The following RIMS1 variants were observed in gnomAD, a reference collection of about 807,000 sequenced individuals.
RIMS1 encodes the protein regulating synaptic membrane exocytosis 1.
A neutral mutation model predicts 214.1 loss-of-function variants in RIMS1; 83 were observed. That is an observed-to-expected ratio of 0.39 (90% CI 0.32 to 0.47). The LOEUF (loss-of-function observed/expected upper bound fraction) is 0.47. Among genes scored for constraint, RIMS1 ranks in the 20% least tolerant of loss-of-function variants. The pLI is 0.99. For missense variants in RIMS1, 2,050 were observed against 2,161.8 expected (o/e 0.95, Z 1.03); for synonymous variants, 793 against 786.8 (o/e 1.01, Z -0.13).
intron 2 of RIMS1, among the ~76,000 whole-genome samples, chr6:72,036,188 G>T (rs1819559346): frequency 6.6e-6 from 1 of 152,140 alleles, no homozygotes; most frequent in Non-Finnish European, 1.5e-5. Flanking sequence ...CTAGTCCTCT[G>T]TGAGACCTAG....
Position 71,887,010 on chromosome 6 carries a change from G to A in RIMS1, c.-14G>A. On this transcript the variant is annotated 5_prime_UTR_variant, in exon 1 of 34. Coordinates refer to ENST00000521978, the MANE Select transcript of RIMS1 (RefSeq NM_014989.7). ...AGCCAGAGAGCGAGCAGAGGGGGCG[G>A]GCAGGCCACGAAAATGTCCTCGGCC... The A allele has an allele frequency of 6.2e-7, 1 of 1,610,524 alleles. No homozygotes were observed. Among genetic ancestry groups the A allele is most frequent in the Non-Finnish European group, 8.5e-7 (1 of 1,178,264 alleles).
intron 2 of RIMS1, among the ~76,000 whole-genome samples, chr6:72,014,445 T>A (rs191002402): frequency 2.9e-4 from 44 of 152,362 alleles, no homozygotes; most frequent in African/African-American, 1.0e-3. Context: ...AAATATTTCA[T>A]TCTTTTTTAT....
chr6:72,107,491 G>A (rs1190699209), intron 4 of RIMS1, among the ~76,000 whole-genome samples: 2 of 152,182 alleles, frequency 1.3e-5, no homozygotes, highest in African/African-American at 2.4e-5. Flanking sequence ...AATCCGAGAA[G>A]TGGAGGTTGC....
chr6:72,076,451 C>T (rs1012964985), intron 2 of RIMS1, among the ~76,000 whole-genome samples: 1 of 152,200 alleles, frequency 6.6e-6, no homozygotes, highest in Admixed American at 6.5e-5. Context: ...TATGGACACT[C>T]ATCCCACCTT....
intron 33 of RIMS1, 91 bp downstream of exon 33, chr6:72,399,185 G>A: frequency 8.8e-7 from 1 of 1,136,458 alleles, no homozygotes; most frequent in Non-Finnish European, 1.2e-6. Context: ...AATAAAATTT[G>A]GTAAAGATAA....
At chr6:72,042,177 A>G (rs956411999) in intron 2 of RIMS1, among the ~76,000 whole-genome samples, 9 of 151,944 alleles carry the variant, frequency 5.9e-5, no homozygotes, top group African/African-American at 2.2e-4. Context: ...CTTTCAACCC[A>G]GATCAGACAC....
chr6:72,186,679 T>C (rs752998288), intron 6 of RIMS1, among the ~76,000 whole-genome samples: 12 of 152,184 alleles, frequency 7.9e-5, no homozygotes, highest in African/African-American at 2.9e-4. Flanking sequence ...TTTGGCTTTG[T>C]TTGTAATTGC....
intron 2 of RIMS1, among the ~76,000 whole-genome samples, chr6:72,044,260 A>G (rs1373747936): frequency 1.3e-5 from 2 of 151,808 alleles, no homozygotes; most frequent in Non-Finnish European, 2.9e-5. Context: ...AAACCTAAGT[A>G]TCAGAGCTAA....
chr6:72,051,172 G>A (rs1344103578), intron 2 of RIMS1, among the ~76,000 whole-genome samples: 3 of 152,134 alleles, frequency 2.0e-5, no homozygotes, highest in Non-Finnish European at 4.4e-5. Flanking sequence ...AAAGGCCGGA[G>A]ACTGCTTTGT....
At chr6:72,383,704 C>T (rs1009612775) in intron 29 of RIMS1, among the ~76,000 whole-genome samples, 2 of 151,060 alleles carry the variant, frequency 1.3e-5, no homozygotes, top group Admixed American at 1.3e-4. Context: ...AGGAGAGGAT[C>T]GCTTGAGCCC....
At chr6:72,013,698 A>G (rs369301127) in intron 2 of RIMS1, among the ~76,000 whole-genome samples, 2 of 152,190 alleles carry the variant, frequency 1.3e-5, no homozygotes, top group Admixed American at 1.3e-4. Context: ...TAAACTGAGT[A>G]GTCTTCTTTT....
chr6:72,079,819 G>A (rs921031557), intron 2 of RIMS1, among the ~76,000 whole-genome samples: 1 of 151,836 alleles, frequency 6.6e-6, no homozygotes, highest in Non-Finnish European at 1.5e-5. Context: ...AGGCGATTGA[G>A]GCTACAGTGA....
At position 71,969,071 on chromosome 6, in the gene RIMS1, T is replaced by C; in HGVS notation, c.245+8T>C. The C allele has an allele frequency of 6.2e-7, 1 of 1,613,560 alleles. No homozygotes were observed. The highest frequency in any genetic ancestry group is 1.1e-5 in the South Asian group (1 of 91,076). ...GCCCCACCAACCTTCACCGTGAGTA[T>C]GGCATTGGTTTTATTGACTGAAAAT... is the stretch of plus-strand genomic sequence containing the variant. On this transcript the variant is annotated splice_region_variant and intron_variant, in intron 2 of 33. Transcript: ENST00000521978.
intron 16 of RIMS1, among the ~76,000 whole-genome samples, chr6:72,253,749 C>G (rs1414232774): frequency 6.6e-6 from 1 of 152,170 alleles, no homozygotes; most frequent in African/African-American, 2.4e-5. Context: ...TTCTACGATA[C>G]TAACTTCACA....
chr6:72,385,588 G>T (rs2098581885), intron 29 of RIMS1, among the ~76,000 whole-genome samples: 1 of 152,192 alleles, frequency 6.6e-6, no homozygotes, highest in African/African-American at 2.4e-5. Context: ...TTCAGCTTTT[G>T]CTGCTAACTA....
At chr6:72,067,095 C>T (rs1829497489) in intron 2 of RIMS1, among the ~76,000 whole-genome samples, 2 of 152,124 alleles carry the variant, frequency 1.3e-5, no homozygotes, top group South Asian at 4.2e-4. Flanking sequence ...TTCTTTCTAC[C>T]CCCTACTCTT....
intron 2 of RIMS1, among the ~76,000 whole-genome samples, chr6:71,971,852 A>G (rs1323469261): frequency 6.6e-6 from 1 of 152,132 alleles, no homozygotes; most frequent in Non-Finnish European, 1.5e-5. Context: ...CCGCCAATAC[A>G]TGGGAATTCA....
chr6:72,316,742 G>A, intron 28 of RIMS1: 1 of 662,034 alleles, frequency 1.5e-6, no homozygotes, highest in Non-Finnish European at 2.9e-6. Context: ...GGGGCCCTCT[G>A]GTTTCAGAGG....
chr6:72,082,463 C>T (rs764721271), intron 2 of RIMS1, among the ~76,000 whole-genome samples: 1 of 152,164 alleles, frequency 6.6e-6, no homozygotes, highest in Non-Finnish European at 1.5e-5. Context: ...GAGGTGGAGT[C>T]TTTGCATGTT....
Sources: gnomAD v4.1 joint callset for allele counts (sites outside exome capture counted in the v4.1 genomes callset) on GRCh38, gnomAD v4.1.1 for gene constraint, MANE v1.5 for transcripts, NCBI Gene and HGNC (gene_info 2026-07-23, HGNC 2026-07-21) for gene names.